The following SLC7A8 variants were observed in gnomAD, a reference collection of about 807,000 sequenced individuals.
SLC7A8 encodes the protein large neutral amino acids transporter small subunit 2.
A neutral mutation model predicts 51.2 loss-of-function variants in SLC7A8; 30 were observed. The ratio of observed to expected loss-of-function variants is 0.59; its 90% confidence interval spans 0.44 to 0.80. SLC7A8 has a LOEUF of 0.80. SLC7A8 is among the 30% of genes least tolerant of loss of function. SLC7A8 has a pLI of 0.00. For missense variants in SLC7A8, 612 were observed against 674.4 expected (o/e 0.91, Z 1.03); for synonymous variants, 257 against 275.8 (o/e 0.93, Z 0.67).
intron 3 of SLC7A8, among the ~76,000 whole-genome samples, chr14:23,159,465 C>G (rs1423815064): frequency 6.6e-6 from 1 of 152,296 alleles, no homozygotes; most frequent in Middle Eastern, 3.4e-3. Context: ...CGAGGCTGAT[C>G]GGATACCCGA....
Position 23,137,945 on chromosome 14 carries a change from T to C in SLC7A8, c.992A>G (p.Asn331Ser), listed in dbSNP as rs1393528707. The C allele has an allele frequency of 6.2e-7, 1 of 1,613,324 alleles. No homozygotes were observed. The highest frequency in any genetic ancestry group is 1.7e-5 in the Admixed American group (1 of 59,942). ...CCGAGAGGAGGTGAAGAGAGACCCA[T>C]TAACTCCTCCAAATGTGGACAGGGC... ...SVALSTFGGV[N>S]GSLFTSSRLF... Residue 331 changes from asparagine to serine, a missense_variant, in exon 7 of 11, where the codon AAT becomes AGT. Transcript: ENST00000316902.
intron 3 of SLC7A8, among the ~76,000 whole-genome samples, chr14:23,155,613 T>TGCCATGCCACCCTGGGGAACCC (rs1476332116): frequency 6.6e-6 from 1 of 152,022 alleles, no homozygotes; most frequent in Admixed American, 6.5e-5. Flanking sequence ...CAGGGTGGCC[T>TGCCATGCCACCCTGGGGAACCC]GCCATGCCAC....
At position 23,140,584 on chromosome 14, in the gene SLC7A8, A is replaced by G. The variant is rs775310235; in HGVS notation, c.675T>C (p.Asn225=). The G allele has an allele frequency of 3.7e-6, 6 of 1,614,066 alleles. No individual in the cohort carries two copies. The highest frequency in any genetic ancestry group is 4.2e-6 in the Non-Finnish European group (5 of 1,179,974). The change falls in exon 5 of 11, where the codon AAT becomes AAC. Residue 225 remains asparagine (N), a synonymous_variant. Transcript: ENST00000316902. ...FWLEPKNAFE[N]FQEPDIGLVA... is the part of the protein sequence containing the mutation. ...CGAGGCCGATGTCAGGTTCCTGGAA[A>G]TTCTCAAATGCATTCTTTGGCTCCA...
At chr14:23,142,944 A>C in intron 4 of SLC7A8, 135 bp downstream of exon 4, 1 of 1,147,442 alleles carries the variant, frequency 8.7e-7, no homozygotes, top group African/African-American at 1.5e-5. Context: ...AAGCAAGGGA[A>C]GAAGAAGAGA....
intron 3 of SLC7A8, chr14:23,156,340 T>TC (rs2041998218): frequency 6.6e-6 from 1 of 152,214 alleles, no homozygotes; most frequent in Admixed American, 6.5e-5. Flanking sequence ...AATTTGCATG[T>TC]CATCTGTACA....
rs183095878 is a variant in SLC7A8 at position 23,135,047 on chromosome 14, G to A, written c.1016+2874C>T. On this transcript the variant is annotated intron_variant, in intron 7 of 10. Transcript: ENST00000316902. ...TTCCCAAAGCACCGGGATTACAGGCGTGAGCCACCACGCCCAGCCCTAAAA... is the reference window on the plus strand; with the variant it reads ...TTCCCAAAGCACCGGGATTACAGGCATGAGCCACCACGCCCAGCCCTAAAA... Among the ~76,000 whole-genome samples, 318 of 152,176 alleles carry A rather than the reference G, an allele frequency of 2.1e-3. 3 individuals carry two copies. Among genetic ancestry groups the A allele is most frequent in the Admixed American group, 3.8e-3 (58 of 15,284 alleles).
intron 1 of SLC7A8, among the ~76,000 whole-genome samples, chr14:23,167,105 G>A (rs146916100): frequency 4.6e-5 from 7 of 152,332 alleles, no homozygotes; most frequent in Admixed American, 1.3e-4. Context: ...ACTTACAAGT[G>A]TGGAAAACAC....
At chr14:23,173,419 C>A (rs2048984576) in intron 1 of SLC7A8, among the ~76,000 whole-genome samples, 1 of 152,178 alleles carries the variant, frequency 6.6e-6, no homozygotes. Context: ...CAGCTGGTTG[C>A]TAAGCAGATC....
In SLC7A8 at chr14:23,131,492, C is replaced by T. The variant is rs144093843; in HGVS notation, c.1082G>A (p.Arg361His). Reference protein sequence around the residue: ...PSVLAMIHVKRCTPIPALLFT... With the variant: ...PSVLAMIHVKHCTPIPALLFT... ...GAGCAGGGCTGGGATTGGGGTGCAGCGCTTCACGTGGATCATGGCCAACAC... is the reference window on the plus strand; with the variant it reads ...GAGCAGGGCTGGGATTGGGGTGCAGTGCTTCACGTGGATCATGGCCAACAC... Residue 361 changes from arginine (R) to histidine (H), a missense_variant, in exon 8 of 11, where the codon CGC becomes CAC. Transcript: ENST00000316902. 47 of 1,608,792 alleles carry T rather than the reference C, an allele frequency of 2.9e-5. No homozygotes were observed. Among genetic ancestry groups the T allele is most frequent in the African/African-American group, 1.3e-4 (10 of 74,678 alleles).
intron 3 of SLC7A8, chr14:23,155,601 T>G: frequency 1.3e-6 from 1 of 775,614 alleles, no homozygotes; most frequent in Non-Finnish European, 1.7e-6. Flanking sequence ...CACCAAGAAA[T>G]CCAGGGTGGC....
chr14:23,131,577 G>GTCAGCCTGGGA lies in SLC7A8; in HGVS notation c.1017-31_1017-21dup, dbSNP rs746055525. On this transcript the variant is annotated intron_variant, in intron 7 of 10. Transcript: ENST00000316902. ...AACAGCCTGTCAGGGAGAAAAGCAG[G>GTCAGCCTGGGA]TCAGCCTGGGATAACCCAGGGACCA... 6.3e-7 allele frequency: 1 copy of GTCAGCCTGGGA among 1,577,856 alleles called. No individual in the cohort carries two copies. Among genetic ancestry groups the GTCAGCCTGGGA allele is most frequent in the Non-Finnish European group, 8.6e-7 (1 of 1,161,266 alleles).
intron 8 of SLC7A8, among the ~76,000 whole-genome samples, chr14:23,130,546 C>T (rs2048622494): frequency 6.6e-6 from 1 of 152,130 alleles, no homozygotes; most frequent in African/African-American, 2.4e-5. Flanking sequence ...CTACATCTGC[C>T]TTTTAGTCAC....
chr14:23,164,767 G>A (rs950715841), intron 3 of SLC7A8, among the ~76,000 whole-genome samples: 7 of 152,262 alleles, frequency 4.6e-5, no homozygotes, highest in African/African-American at 7.2e-5. Context: ...CAAGGCGGGC[G>A]GATCACTTGA....
intron 4 of SLC7A8, among the ~76,000 whole-genome samples, chr14:23,142,428 C>A (rs554295179): frequency 7.2e-5 from 11 of 152,306 alleles, no homozygotes; most frequent in Non-Finnish European, 1.3e-4. Flanking sequence ...GGACAAGATT[C>A]AACAGAAGAT....
chr14:23,128,751 C>G lies in SLC7A8; in HGVS notation c.1264-555G>C, dbSNP rs1202172223. 6.6e-6 allele frequency among the ~76,000 whole-genome samples: 1 copy of G among 152,184 alleles called. No individual in the cohort carries two copies. The highest frequency in any genetic ancestry group is 1.5e-5 in the Non-Finnish European group (1 of 68,024). On this transcript the variant is annotated intron_variant, in intron 9 of 10. Transcript: ENST00000316902. This position sits in a 1 kb window ranked among gnomAD's most constrained non-coding sequence, Gnocchi z 4.3. ...TCCTGAGAGTATCCTCTTCAGGGCT[C>G]CAGGGGCAGTCCTGATTCGGCTGCC... is the stretch of plus-strand genomic sequence containing the variant.
chr14:23,161,391 C>A (rs1247541796), intron 3 of SLC7A8, among the ~76,000 whole-genome samples: 1 of 151,968 alleles, frequency 6.6e-6, no homozygotes, highest in Non-Finnish European at 1.5e-5. Flanking sequence ...CAGAGGGTGG[C>A]CTTTCCTCAA....
chr14:23,172,520 T>TG (rs1036452564), intron 1 of SLC7A8, among the ~76,000 whole-genome samples: 1 of 151,930 alleles, frequency 6.6e-6, no homozygotes, highest in South Asian at 2.1e-4. Context: ...CTGGGGGTGG[T>TG]GGGGGGCTGA....
chr14:23,171,301 G>A (rs1490210158), intron 1 of SLC7A8, among the ~76,000 whole-genome samples: 1 of 152,144 alleles, frequency 6.6e-6, no homozygotes, highest in Non-Finnish European at 1.5e-5. Flanking sequence ...TTCTGTCAAA[G>A]AAAAACCAAG....
In SLC7A8 at chr14:23,165,189, G is replaced by A. The variant is rs1475472235; in HGVS notation, c.508+96C>T. ...GCTATGATCATGCGGCTGCGCTCCAGCCTGAGTGACAGAGTGAAGACTCTG... is the reference window on the plus strand; with the variant it reads ...GCTATGATCATGCGGCTGCGCTCCAACCTGAGTGACAGAGTGAAGACTCTG... On this transcript the variant is annotated intron_variant, in intron 3 of 10. Coordinates refer to ENST00000316902, the MANE Select transcript of SLC7A8 (RefSeq NM_012244.4). The surrounding 1 kb of genome is among the most constrained non-coding windows in gnomAD (Gnocchi z 4.2). 1.3e-5 allele frequency: 17 copies of A among 1,292,270 alleles called. No individual in the cohort carries two copies. The highest frequency in any genetic ancestry group is 1.6e-5 in the Non-Finnish European group (16 of 978,620). 80.1% of individuals were successfully genotyped at this position (1,292,270 alleles called of 1,614,324 possible).
Sources: allele counts gnomAD v4.1 joint callset (sites outside exome capture counted in the v4.1 genomes callset), GRCh38; gene constraint gnomAD v4.1.1; non-coding constraint Gnocchi (gnomAD v3.1); transcripts MANE v1.5; gene names NCBI Gene and HGNC (gene_info 2026-07-23, HGNC 2026-07-21).